Variants in DLGAP2 observed in about 807,000 individuals in gnomAD.
DLGAP2 encodes the protein disks large-associated protein 2.
A neutral mutation model predicts 100.3 loss-of-function variants in DLGAP2; 26 were observed. The observed-to-expected ratio is 0.26, with a 90% CI of 0.19 to 0.36. DLGAP2 has a LOEUF of 0.36. Among genes scored for constraint, DLGAP2 ranks in the 10% least tolerant of loss-of-function variants. The probability of loss-of-function intolerance (pLI) is 1.00; values close to 1 mark genes in which losing one functional copy is unlikely to be tolerated. For missense variants in DLGAP2, 1,858 were observed against 1,453.2 expected (o/e 1.28, Z -4.53); for synonymous variants, 886 against 630.1 (o/e 1.41, Z -6.08).
intron 1 of DLGAP2, among the ~76,000 whole-genome samples, chr8:740,995 T>C (rs1172575538): frequency 1.3e-5 from 2 of 152,166 alleles, no homozygotes; most frequent in Admixed American, 6.5e-5. Context: ...CAGGCTGCCA[T>C]ACAGGAAGTT....
intron 1 of DLGAP2, among the ~76,000 whole-genome samples, chr8:749,107 T>G (rs1207321445): frequency 6.6e-6 from 1 of 152,176 alleles, no homozygotes; most frequent in African/African-American, 2.4e-5. Context: ...TCAGGTGATA[T>G]TCCTGCCTCA....
chr8:1,000,642 C>T (rs1397633412), intron 2 of DLGAP2, among the ~76,000 whole-genome samples: 1 of 152,198 alleles, frequency 6.6e-6, no homozygotes, highest in Non-Finnish European at 1.5e-5. Flanking sequence ...TCTGTTATTA[C>T]TTTTCCTCTT....
At chr8:1,179,112 G>A (rs1797325342) in intron 2 of DLGAP2, among the ~76,000 whole-genome samples, 1 of 152,246 alleles carries the variant, frequency 6.6e-6, no homozygotes, top group South Asian at 2.1e-4. Flanking sequence ...TTCTACACCT[G>A]TTTACGATAC....
chr8:1,315,473 A>C (rs11783482), intron 3 of DLGAP2, among the ~76,000 whole-genome samples: 4,610 of 132,634 alleles, frequency 0.035, 16 homozygotes, highest in Middle Eastern at 0.09. Flanking sequence ...ACACTCGAGA[A>C]ACTCGGCAGC....
At chr8:1,280,268 C>G (rs554853982) in intron 3 of DLGAP2, among the ~76,000 whole-genome samples, 201 of 152,280 alleles carry the variant, frequency 1.3e-3, no homozygotes, top group African/African-American at 4.6e-3. Flanking sequence ...TTTGAACCAT[C>G]TCTGCACTTA....
At chr8:858,292 G>T (rs190962150) in intron 1 of DLGAP2, among the ~76,000 whole-genome samples, 44 of 152,372 alleles carry the variant, frequency 2.9e-4, no homozygotes, top group African/African-American at 1.0e-3. Context: ...TGGAGCAACC[G>T]TAAATGCACG....
At chr8:1,522,479 C>T (rs1450915080) in intron 4 of DLGAP2, among the ~76,000 whole-genome samples, 1 of 152,198 alleles carries the variant, frequency 6.6e-6, no homozygotes, top group Non-Finnish European at 1.5e-5. Flanking sequence ...CCAGTCAGAG[C>T]CTCACGCACG....
chr8:1,689,047 G>C (rs1193753812), intron 12 of DLGAP2, among the ~76,000 whole-genome samples: 1 of 152,216 alleles, frequency 6.6e-6, no homozygotes, highest in Non-Finnish European at 1.5e-5. Context: ...CGTGTGCAAT[G>C]AATCTCACCA....
At chr8:989,956 G>A (rs2129016100) in intron 2 of DLGAP2, among the ~76,000 whole-genome samples, 1 of 152,156 alleles carries the variant, frequency 6.6e-6, no homozygotes, top group South Asian at 2.1e-4. Context: ...TGGGTGTTGG[G>A]TTCGATGAGC....
chr8:815,689 C>G (rs1046694274), intron 1 of DLGAP2, among the ~76,000 whole-genome samples: 2 of 152,086 alleles, frequency 1.3e-5, no homozygotes, highest in Non-Finnish European at 2.9e-5. Context: ...TATTGAATGT[C>G]TTGAATTCTA....
intron 2 of DLGAP2, among the ~76,000 whole-genome samples, chr8:1,040,698 C>T (rs1009634604): frequency 5.9e-5 from 9 of 151,904 alleles, no homozygotes; most frequent in East Asian, 1.9e-4. Flanking sequence ...GTGGTCGGCT[C>T]GGTGTGCATG....
chr8:1,633,958 G>T (rs1330643445), intron 8 of DLGAP2, among the ~76,000 whole-genome samples: 1 of 152,230 alleles, frequency 6.6e-6, no homozygotes, highest in African/African-American at 2.4e-5. Flanking sequence ...TCATACCTGT[G>T]AATAGGTCTT....
In DLGAP2 at chr8:1,246,420, C is replaced by T. The variant is rs375018104; in HGVS notation, c.74-12431C>T. On this transcript the variant is annotated intron_variant, in intron 2 of 14. Coordinates refer to ENST00000637795, the MANE Select transcript of DLGAP2 (RefSeq NM_001346810.2). Reference sequence around the variant, plus strand: ...CCCTCAACCAGGGCCTCCTGCCATCCGCGGCTGCTGAGAGCACAGGGACCT... The same window carrying T: ...CCCTCAACCAGGGCCTCCTGCCATCTGCGGCTGCTGAGAGCACAGGGACCT... 5.9e-5 allele frequency among the ~76,000 whole-genome samples: 9 copies of T among 152,346 alleles called. No individual in the cohort carries two copies. In the East Asian group the frequency reaches 7.7e-4, roughly 13 times the overall value.
At chr8:1,027,871 G>T (rs1317800169) in intron 2 of DLGAP2, among the ~76,000 whole-genome samples, 1 of 126,800 alleles carries the variant, frequency 7.9e-6, no homozygotes, top group East Asian at 2.8e-4. Flanking sequence ...TCAGGCGCCC[G>T]TTATTCTCCA....
intron 2 of DLGAP2, among the ~76,000 whole-genome samples, chr8:926,012 G>T (rs1236193765): frequency 6.6e-6 from 1 of 152,152 alleles, no homozygotes; most frequent in Non-Finnish European, 1.5e-5. Context: ...ACTCACTTGG[G>T]CTCCGGGCCG....
At chr8:764,853 T>A (rs1821171631) in intron 1 of DLGAP2, among the ~76,000 whole-genome samples, 1 of 152,114 alleles carries the variant, frequency 6.6e-6, no homozygotes, top group African/African-American at 2.4e-5. Context: ...TTTAAAAAAA[T>A]TTGTACCAAA....
chr8:1,417,726 GACACA>G lies in DLGAP2; in HGVS notation c.107-83639_107-83635del, dbSNP rs1796968079. ...TCCTGCCTCACTCGGCGAGGCTCCA[GACACA>G]GAAGCCCACGGAGACCTATGAACGG... On this transcript the variant is annotated intron_variant, in intron 3 of 14. Coordinates refer to ENST00000637795, the MANE Select transcript of DLGAP2 (RefSeq NM_001346810.2). Among the ~76,000 whole-genome samples, 148 of 142,262 alleles carry G rather than the reference GACACA, an allele frequency of 1.0e-3. 1 individual carries two copies. The highest frequency in any genetic ancestry group is 3.8e-3 in the Middle Eastern group (1 of 262). 93.3% of individuals were successfully genotyped at this position (142,262 alleles called of 152,430 possible).
intron 6 of DLGAP2, among the ~76,000 whole-genome samples, chr8:1,598,785 A>G (rs988339730): frequency 6.6e-6 from 1 of 151,964 alleles, no homozygotes; most frequent in African/African-American, 2.4e-5. Context: ...GTAGTGGTCT[A>G]TCTATTTTGT....
At chr8:1,112,575 C>T (rs1167298400) in intron 2 of DLGAP2, among the ~76,000 whole-genome samples, 3 of 152,152 alleles carry the variant, frequency 2.0e-5, no homozygotes, top group African/African-American at 7.2e-5. Context: ...TTGTTTTTCT[C>T]TTGTAAATTT....
Sources: gnomAD v4.1 joint callset for allele counts (sites outside exome capture counted in the v4.1 genomes callset) on GRCh38, gnomAD v4.1.1 for gene constraint, MANE v1.5 for transcripts, NCBI Gene and HGNC (gene_info 2026-07-23, HGNC 2026-07-21) for gene names.